FAM200B: variants seen among roughly 807,000 people sequenced by gnomAD.
The protein encoded by FAM200B is zinc finger BED-type containing 11.
In FAM200B, 32 loss-of-function variants were observed where a neutral mutation model predicts 33.1. The observed-to-expected ratio is 0.97, with a 90% CI of 0.73 to 1.30. FAM200B has a LOEUF of 1.30. FAM200B is among the 50% of genes most tolerant of loss of function. FAM200B has a pLI of 0.00. For synonymous variants in FAM200B, 240 were observed against 264.8 expected (o/e 0.91, Z 0.91); for missense variants, 741 against 754.0 (o/e 0.98, Z 0.20).
chr4:15,665,815 C>T, the FAM200B span, among the ~76,000 whole-genome samples: 1 of 152,124 alleles, frequency 6.6e-6, no homozygotes, highest in Non-Finnish European at 1.5e-5. Context: ...TGGCTCTCAA[C>T]TGAGACAGAT....
the FAM200B span, among the ~76,000 whole-genome samples, chr4:15,667,060 A>G: frequency 6.6e-6 from 1 of 152,278 alleles, no homozygotes; most frequent in African/African-American, 2.4e-5. Context: ...TAATGTAAAC[A>G]TTATAAACCA....
the FAM200B span, among the ~76,000 whole-genome samples, chr4:15,672,668 A>G: frequency 6.6e-6 from 1 of 152,200 alleles, no homozygotes; most frequent in Non-Finnish European, 1.5e-5. Context: ...GGTGAGTGAA[A>G]GTGAAGGCCT....
chr4:15,676,026 A>T, the FAM200B span, among the ~76,000 whole-genome samples: 2 of 152,244 alleles, frequency 1.3e-5, no homozygotes, highest in Non-Finnish European at 2.9e-5. Context: ...TTTTACTATT[A>T]AATTAGCTGT....
intron 1 of FAM200B, among the ~76,000 whole-genome samples, chr4:15,685,395 G>A (rs116180306): frequency 0.014 from 2,193 of 152,286 alleles, 44 homozygotes; most frequent in African/African-American, 0.05. Flanking sequence ...AACTGGATAA[G>A]CAGGCTTGAA....
chr4:15,665,914 A>G, the FAM200B span, among the ~76,000 whole-genome samples: 1 of 152,272 alleles, frequency 6.6e-6, no homozygotes, highest in Admixed American at 6.5e-5. Flanking sequence ...GAACTGTCCA[A>G]GACCATAAGC....
the FAM200B span, among the ~76,000 whole-genome samples, chr4:15,661,107 C>T: frequency 2.0e-5 from 3 of 151,818 alleles, no homozygotes; most frequent in Admixed American, 6.6e-5. Context: ...TAACCTTTAA[C>T]GAATCATTAT....
the FAM200B span, among the ~76,000 whole-genome samples, chr4:15,673,748 A>T: frequency 1.3e-5 from 2 of 152,300 alleles, no homozygotes; most frequent in African/African-American, 4.8e-5. Flanking sequence ...TTCTCTCTCT[A>T]TGCAGCTCTC....
chr4:15,646,927 T>C, the FAM200B span, among the ~76,000 whole-genome samples: 3 of 151,638 alleles, frequency 2.0e-5, no homozygotes, highest in Non-Finnish European at 4.4e-5. Context: ...TTCAACCAAC[T>C]GTGGATTGAA....
chr4:15,642,293 T>A, the FAM200B span, among the ~76,000 whole-genome samples: 1 of 151,722 alleles, frequency 6.6e-6, no homozygotes, highest in Non-Finnish European at 1.5e-5. Context: ...CAGGCTGGAA[T>A]GCAGTGGTGC....
chr4:15,687,033 C>A lies in FAM200B; in HGVS notation c.56C>A (p.Ala19Glu). 6.6e-7 allele frequency: 1 copy of A among 1,511,186 alleles called. No homozygotes were observed. The highest frequency in any genetic ancestry group is 1.3e-5 in the South Asian group (1 of 79,176). 93.6% of individuals were successfully genotyped at this position (1,511,186 alleles called of 1,614,324 possible). ...AATAGTGAAGTGAAATATACAGAAG[C>A]ATGTTCAAGTTCATCTGTTGAATCT... ...KRNSEVKYTE[A>E]CSSSSVESGI... Residue 19 changes from alanine to glutamate, a missense_variant, in exon 2 of 2, where the codon GCA (alanine) becomes GAA (glutamate). Coordinates refer to ENST00000422728, the MANE Select transcript of FAM200B (RefSeq NM_001145191.2).
Position 15,687,162 on chromosome 4 carries a change from G to T in FAM200B, c.185G>T (p.Arg62Leu). The change falls in exon 2 of 2, where the codon CGT (arginine) becomes CTT (leucine). Residue 62 changes from arginine to leucine, a missense_variant. Physicochemically the swap from Arg to Leu is moderately radical, Grantham distance 102 (BLOSUM62 -2). Coordinates refer to ENST00000422728, the MANE Select transcript of FAM200B (RefSeq NM_001145191.2). ...HFKKKKVSAR[R>L]YNEDYLKYGF... ...AAAAAGAAAAAAGTAAGTGCAAGAC[G>T]TTATAATGAAGATTACTTAAAATAT... 1 of 1,543,320 alleles carries T rather than the reference G, an allele frequency of 6.5e-7. No homozygotes were observed. The highest frequency in any genetic ancestry group is 1.2e-5 in the South Asian group (1 of 81,824).
the FAM200B span, among the ~76,000 whole-genome samples, chr4:15,651,028 G>A: frequency 2.0e-5 from 3 of 152,102 alleles, no homozygotes; most frequent in Non-Finnish European, 2.9e-5. Flanking sequence ...ACTTAAAGAC[G>A]ATACAGTACA....
intron 1 of FAM200B, among the ~76,000 whole-genome samples, chr4:15,682,345 G>C (rs11730088): frequency 0.35 from 53,563 of 152,050 alleles, 9,810 homozygotes; most frequent in African/African-American, 0.37. Flanking sequence ...CCTTAAAGAT[G>C]CTTTTTTTAA....
chr4:15,673,962 A>G, the FAM200B span, among the ~76,000 whole-genome samples: 2 of 152,316 alleles, frequency 1.3e-5, no homozygotes, highest in South Asian at 4.1e-4. Flanking sequence ...GATATCCAAT[A>G]TCTTGGAAAA....
chr4:15,673,030 T>C, the FAM200B span, among the ~76,000 whole-genome samples: 3 of 152,186 alleles, frequency 2.0e-5, no homozygotes, highest in Non-Finnish European at 4.4e-5. Flanking sequence ...GGCAATAACA[T>C]GCACAAAGCT....
the FAM200B span, among the ~76,000 whole-genome samples, chr4:15,673,099 T>G: frequency 1.3e-5 from 2 of 152,142 alleles, 1 homozygote; most frequent in Non-Finnish European, 2.9e-5. Flanking sequence ...TCTGAAGTTG[T>G]TTTACGGTTA....
Position 15,688,197 on chromosome 4 carries a change from T to G in FAM200B, c.1220T>G (p.Phe407Cys). The change falls in exon 2 of 2, where the codon TTT (phenylalanine) becomes TGT (cysteine). Residue 407 changes from phenylalanine to cysteine, a missense_variant. Transcript: ENST00000422728. The part of the protein sequence containing the change: ...RVYELRNEIH[F>C]FLIEKKSHLA... ...TATGAGCTCAGGAATGAGATTCACT[T>G]TTTTCTCATTGAAAAAAAATCTCAT... 6.4e-7 allele frequency: 1 copy of G among 1,551,054 alleles called. No individual in the cohort carries two copies. The highest frequency in any genetic ancestry group is 8.7e-7 in the Non-Finnish European group (1 of 1,146,700).
chr4:15,654,068 C>T, the FAM200B span, among the ~76,000 whole-genome samples: 5 of 152,186 alleles, frequency 3.3e-5, no homozygotes, highest in Admixed American at 3.3e-4. Flanking sequence ...AACGTCACTG[C>T]TTTAAATTGC....
rs1367032401 is a variant in FAM200B at position 15,682,210 on chromosome 4, C to G, written c.-743+309C>G. Among the ~76,000 whole-genome samples, 5 of 152,142 alleles carry G rather than the reference C, an allele frequency of 3.3e-5. No individual in the cohort carries two copies. The South Asian group carries it at 8.3e-4, about 25-fold the overall frequency. On this transcript the variant is annotated intron_variant, in intron 1 of 1. Transcript: ENST00000422728. ...ACCTGGCAGTTTCCACTCTTAAGGCCTAGTGTACTAACTAATGTGTGCGCA... is the reference window on the plus strand; with the variant it reads ...ACCTGGCAGTTTCCACTCTTAAGGCGTAGTGTACTAACTAATGTGTGCGCA...
Sources: allele counts gnomAD v4.1 joint callset (sites outside exome capture counted in the v4.1 genomes callset), GRCh38; gene constraint gnomAD v4.1.1; transcripts MANE v1.5; gene names NCBI Gene and HGNC (gene_info 2026-07-23, HGNC 2026-07-21).